RBFOX1: variants seen among roughly 807,000 people sequenced by gnomAD.
RBFOX1 encodes the protein RNA binding protein fox-1 homolog 1.
Under a neutral mutation model 57.7 loss-of-function variants are expected in RBFOX1, and 8 were observed. The observed-to-expected ratio is 0.14, with a 90% confidence interval of 0.08 to 0.25. The LOEUF (loss-of-function observed/expected upper bound fraction) is 0.25, where lower values mean the gene tolerates loss of function less well. RBFOX1 is among the 10% of genes least tolerant of loss of function. RBFOX1 has a pLI of 1.00. For synonymous variants in RBFOX1, 326 were observed against 222.4 expected (o/e 1.47, Z -4.15); for missense variants, 611 against 548.5 (o/e 1.11, Z -1.14).
intron 2 of RBFOX1, among the ~76,000 whole-genome samples, chr16:6,652,131 T>G (rs1019644251): frequency 5.3e-5 from 8 of 152,114 alleles, no homozygotes; most frequent in African/African-American, 1.9e-4. Context: ...GGTGGGGTCT[T>G]AATCCAATAG....
intron 2 of RBFOX1, among the ~76,000 whole-genome samples, chr16:5,557,309 T>A (rs920960415): frequency 5.8e-5 from 8 of 138,944 alleles, no homozygotes; most frequent in African/African-American, 2.1e-4. Flanking sequence ...AAATAAAAAT[T>A]TCTGAAAGGT....
intron 3 of RBFOX1, among the ~76,000 whole-genome samples, chr16:5,863,451 C>A (rs1482948277): frequency 6.6e-6 from 1 of 152,138 alleles, no homozygotes; most frequent in Admixed American, 6.5e-5. Context: ...CGTCAGCAAC[C>A]CTTAAAGAGC....
chr16:6,304,850 C>G (rs937621908), intron 1 of RBFOX1, among the ~76,000 whole-genome samples: 1 of 123,430 alleles, frequency 8.1e-6, no homozygotes, highest in Non-Finnish European at 1.6e-5. Flanking sequence ...ATACTCCAGA[C>G]TGGGTGACAC....
rs929973605 is a variant in RBFOX1 at position 6,969,699 on chromosome 16, G to A, written c.-15-82358G>A. Among the ~76,000 whole-genome samples, 12 of 152,040 alleles carry A rather than the reference G, an allele frequency of 7.9e-5. No individual in the cohort carries two copies. In the East Asian group the frequency reaches 1.2e-3, roughly 15 times the overall value. The stretch of plus-strand genomic sequence containing the variant: ...GCGGAGGTTGCAGTGAGCTGAAATA[G>A]TGCCACCTCACTCCAGCCTGGGTGA... On this transcript the variant is annotated intron_variant, in intron 3 of 15. Transcript: ENST00000550418.
chr16:6,519,063 G>A lies in RBFOX1; in HGVS notation c.-63-135540G>A, dbSNP rs181517912. ...AATTCTAACTACTTTCTCCCTTCTCGGTGAGAAGCTGCCACCCATCGTATG... is the reference window on the plus strand; with the variant it reads ...AATTCTAACTACTTTCTCCCTTCTCAGTGAGAAGCTGCCACCCATCGTATG... On this transcript the variant is annotated intron_variant, in intron 2 of 15. Coordinates refer to ENST00000550418, the MANE Select transcript of RBFOX1 (RefSeq NM_018723.4). Among the ~76,000 whole-genome samples the A allele has an allele frequency of 6.2e-3, 948 of 151,916 alleles. 6 individuals carry two copies. Among genetic ancestry groups the A allele is most frequent in the Non-Finnish European group, 0.011 (740 of 67,980 alleles).
At chr16:6,934,973 A>G (rs770925429) in intron 3 of RBFOX1, among the ~76,000 whole-genome samples, 1 of 152,086 alleles carries the variant, frequency 6.6e-6, no homozygotes, top group Non-Finnish European at 1.5e-5. Flanking sequence ...CTGTGGTTCC[A>G]GCAAGTCGGG....
intron 1 of RBFOX1, among the ~76,000 whole-genome samples, chr16:6,101,915 T>C (rs1455576536): frequency 1.3e-5 from 2 of 152,018 alleles, no homozygotes; most frequent in East Asian, 3.9e-4. Flanking sequence ...ATTTGGCCAG[T>C]CCACGAATAG....
intron 3 of RBFOX1, among the ~76,000 whole-genome samples, chr16:5,859,411 A>G (rs561615805): frequency 9.8e-4 from 149 of 152,348 alleles, no homozygotes; most frequent in African/African-American, 3.3e-3. Context: ...AACAGCAAGA[A>G]AGATTTTTGT....
Position 6,829,963 on chromosome 16 carries a change from C to T in RBFOX1, c.-16+175313C>T, listed in dbSNP as rs138211103. Among the ~76,000 whole-genome samples the T allele has an allele frequency of 8.1e-3, 1,226 of 151,712 alleles. 22 individuals are homozygous for T. The highest frequency in any genetic ancestry group is 0.027 in the African/African-American group (1,127 of 41,336). ...TGGAGTTTTGCTCTTGTTGCCCAGG[C>T]TGGAGTGCAGTGGTGCAGTCTCAGC... On this transcript the variant is annotated intron_variant, in intron 3 of 15. Transcript: ENST00000550418.
At chr16:6,608,083 GACAATGTCTCATAGCACCTGAA>G (rs1403260843) in intron 2 of RBFOX1, among the ~76,000 whole-genome samples, 7 of 152,134 alleles carry the variant, frequency 4.6e-5, no homozygotes, top group African/African-American at 1.7e-4. Context: ...AAATTAATGA[GACAATGTCTCATAGCACCTGAA>G]ACAACGGGTT....
chr16:7,384,153 T>A (rs1297330412), intron 4 of RBFOX1, among the ~76,000 whole-genome samples: 1 of 151,870 alleles, frequency 6.6e-6, no homozygotes, highest in Non-Finnish European at 1.5e-5. Context: ...GAGAGATATG[T>A]ATGCTTATCT....
At chr16:6,897,704 A>C (rs890576182) in intron 3 of RBFOX1, among the ~76,000 whole-genome samples, 2 of 152,214 alleles carry the variant, frequency 1.3e-5, no homozygotes, top group African/African-American at 2.4e-5. Context: ...GAGGCAGGAC[A>C]GTTGCTTGAA....
At chr16:6,440,086 A>C (rs2094344741) in intron 2 of RBFOX1, among the ~76,000 whole-genome samples, 2 of 151,684 alleles carry the variant, frequency 1.3e-5, no homozygotes, top group African/African-American at 2.4e-5. Flanking sequence ...ACAGGCATGC[A>C]CCACCATGCC....
intron 3 of RBFOX1, among the ~76,000 whole-genome samples, chr16:7,014,400 T>TA (rs1347096708): frequency 1.5e-4 from 23 of 151,860 alleles, no homozygotes; most frequent in Middle Eastern, 6.8e-3. Context: ...TATTTTTTTG[T>TA]TTTTATTTTA....
intron 1 of RBFOX1, among the ~76,000 whole-genome samples, chr16:6,122,793 T>C (rs927702444): frequency 8.9e-6 from 1 of 111,882 alleles, no homozygotes; most frequent in East Asian, 2.1e-4. Flanking sequence ...TGTGTGGCTA[T>C]GTGTGTGTAT....
At chr16:7,089,138 G>A (rs773649294) in intron 4 of RBFOX1, among the ~76,000 whole-genome samples, 5 of 152,036 alleles carry the variant, frequency 3.3e-5, no homozygotes, top group South Asian at 2.1e-4. Flanking sequence ...ATTTCCACCC[G>A]GTTTAGTTTT....
At chr16:6,812,980 A>T (rs1005268429) in intron 3 of RBFOX1, among the ~76,000 whole-genome samples, 1 of 152,072 alleles carries the variant, frequency 6.6e-6, no homozygotes, top group African/African-American at 2.4e-5. Flanking sequence ...TAAATTCCCT[A>T]CTTCTCTCTT....
intron 4 of RBFOX1, among the ~76,000 whole-genome samples, chr16:7,400,997 C>T (rs1424727740): frequency 1.3e-5 from 2 of 152,266 alleles, no homozygotes; most frequent in East Asian, 1.9e-4. Context: ...GCATGAAACT[C>T]AGGAATGTGA....
chr16:5,425,830 G>A (rs756183268), intron 1 of RBFOX1, among the ~76,000 whole-genome samples: 2 of 152,146 alleles, frequency 1.3e-5, no homozygotes, highest in Admixed American at 6.5e-5. Context: ...AGAGTTGGGC[G>A]GGCTCATTCC....
Sources: allele counts gnomAD v4.1 joint callset (sites outside exome capture counted in the v4.1 genomes callset), GRCh38; gene constraint gnomAD v4.1.1; transcripts MANE v1.5; gene names NCBI Gene and HGNC (gene_info 2026-07-23, HGNC 2026-07-21).